TTBK2: variants seen among roughly 807,000 people sequenced by gnomAD.
TTBK2 encodes the protein tau tubulin kinase 2, also known as tau-tubulin kinase 2.
A neutral mutation model predicts 110.8 loss-of-function variants in TTBK2; 28 were observed. The observed-to-expected ratio is 0.25, with a 90% confidence interval of 0.19 to 0.35. TTBK2 has a LOEUF of 0.35. Among genes scored for constraint, TTBK2 ranks in the 10% least tolerant of loss-of-function variants. The probability of loss-of-function intolerance (pLI) is 1.00; values close to 1 mark genes in which losing one functional copy is unlikely to be tolerated. For missense variants in TTBK2, 1,369 were observed against 1,500.3 expected (o/e 0.91, Z 1.45); for synonymous variants, 532 against 527.3 (o/e 1.01, Z -0.12).
At chr15:42,879,539 T>C (rs1192383740) in intron 1 of TTBK2, among the ~76,000 whole-genome samples, 1 of 151,996 alleles carries the variant, frequency 6.6e-6, no homozygotes, top group Non-Finnish European at 1.5e-5. Context: ...CCACATACTG[T>C]ATTCTCTGTC....
At chr15:42,811,309 T>C (rs1891712371) in intron 8 of TTBK2, among the ~76,000 whole-genome samples, 1 of 152,214 alleles carries the variant, frequency 6.6e-6, no homozygotes, top group South Asian at 2.1e-4. Flanking sequence ...TAATTTATCT[T>C]AAATCTGATC....
intron 1 of TTBK2, among the ~76,000 whole-genome samples, chr15:42,899,150 G>T (rs1034140208): frequency 6.6e-6 from 1 of 151,326 alleles, no homozygotes; most frequent in Non-Finnish European, 1.5e-5. Context: ...ATGTCACCTT[G>T]CCTGGCTAAT....
intron 3 of TTBK2, chr15:42,871,446 T>C: frequency 1.0e-6 from 1 of 985,304 alleles, no homozygotes; most frequent in Non-Finnish European, 1.2e-6. Context: ...CTGCCTCACC[T>C]GGAAGCATCT....
At chr15:42,763,089 T>C (rs2062055800) in intron 13 of TTBK2, among the ~76,000 whole-genome samples, 1 of 123,118 alleles carries the variant, frequency 8.1e-6, no homozygotes, top group Admixed American at 8.5e-5. Flanking sequence ...CAATTTTATA[T>C]ATATATATAT....
At chr15:42,819,188 G>A (rs1892181083) in intron 6 of TTBK2, among the ~76,000 whole-genome samples, 2 of 150,018 alleles carry the variant, frequency 1.3e-5, no homozygotes, top group Non-Finnish European at 3.0e-5. Context: ...TAAAAATCCT[G>A]GCCGGGCGCA....
In TTBK2 at chr15:42,860,183, A is replaced by G. The variant is rs183874896; in HGVS notation, c.217+12428T>C. The stretch of plus-strand genomic sequence containing the variant: ...AAGGAACAGGTAACTATATGAATCA[A>G]TGACTAAGAATTTCCCCAAGTTAAT... On this transcript the variant is annotated intron_variant, in intron 3 of 14. Coordinates refer to ENST00000267890, the MANE Select transcript of TTBK2 (RefSeq NM_173500.4). Among the ~76,000 whole-genome samples the G allele has an allele frequency of 2.7e-3, 412 of 152,236 alleles. 2 individuals carry two copies. Among genetic ancestry groups the G allele is most frequent in the African/African-American group, 9.6e-3 (401 of 41,558 alleles).
Position 42,829,973 on chromosome 15 carries a change from G to A in TTBK2, c.397C>T (p.His133Tyr). 6.2e-7 allele frequency: 1 copy of A among 1,614,146 alleles called. No individual in the cohort carries two copies. The highest frequency in any genetic ancestry group is 8.5e-7 in the Non-Finnish European group (1 of 1,180,008). ...TCTCGATGCAAGAATCCCACAGAAT[G>A]AATGCTTTCAATAGACTCCAAAATC... ...RQILESIESIHSVGFLHRDIK... is the reference protein window; with the variant it reads ...RQILESIESIYSVGFLHRDIK... The change falls in exon 5 of 15, where the codon CAT becomes TAT. Residue 133 changes from histidine to tyrosine, a missense_variant. His to Tyr is a moderately conservative substitution (Grantham distance 83). Around this residue, in one of 4 missense-constraint regions of TTBK2, gnomAD observed 122 missense variants for 159.7 expected, o/e 0.76. Transcript: ENST00000267890.
rs761467140 is a variant in TTBK2 at position 42,753,258 on chromosome 15, G to T, written c.1999-11C>A. The stretch of plus-strand genomic sequence containing the variant: ...TCTAGGAATTGTAATCTGGAGAAGG[G>T]GAAGAAAAAATTAAAATGCAATTAT... On this transcript the variant is annotated splice_polypyrimidine_tract_variant and intron_variant, in intron 13 of 14. Transcript: ENST00000267890. 4 of 1,612,340 alleles carry T rather than the reference G, an allele frequency of 2.5e-6. No individual in the cohort carries two copies. In the East Asian group the frequency reaches 8.9e-5, roughly 36 times the overall value.
At chr15:42,837,983 G>A (rs926234182) in intron 4 of TTBK2, among the ~76,000 whole-genome samples, 31 of 152,132 alleles carry the variant, frequency 2.0e-4, no homozygotes, top group African/African-American at 4.8e-4. Flanking sequence ...TGAGGCAGGC[G>A]GATCGCCTGA....
intron 3 of TTBK2, among the ~76,000 whole-genome samples, chr15:42,862,891 A>G (rs1481140263): frequency 6.6e-6 from 1 of 152,138 alleles, no homozygotes; most frequent in African/African-American, 2.4e-5. Flanking sequence ...TCTGTTGCAA[A>G]AATAAACAAA....
At chr15:42,830,145 A>G in intron 4 of TTBK2, 67 bp from the exon 5 acceptor site, 1 of 1,587,084 alleles carries the variant, frequency 6.3e-7, no homozygotes, top group Non-Finnish European at 8.6e-7. Context: ...AGACTGGGAA[A>G]CTACTCACTT....
chr15:42,865,402 T>C (rs1894326025), intron 3 of TTBK2, among the ~76,000 whole-genome samples: 1 of 150,304 alleles, frequency 6.7e-6, no homozygotes. Flanking sequence ...GAGGTTGCAG[T>C]GAGCCGAGAC....
chr15:42,898,674 G>T (rs1157913920), intron 1 of TTBK2, among the ~76,000 whole-genome samples: 1 of 152,148 alleles, frequency 6.6e-6, no homozygotes, highest in Non-Finnish European at 1.5e-5. Context: ...AAAATAAAAG[G>T]ATCTAACTGT....
At chr15:42,763,121 C>CGTATATAT in intron 13 of TTBK2, among the ~76,000 whole-genome samples, 1 of 86,328 alleles carries the variant, frequency 1.2e-5, no homozygotes, top group South Asian at 4.0e-4. Context: ...TATATATACA[C>CGTATATAT]ATATATATAC....
At chr15:42,759,782 C>A (rs1332154738) in intron 13 of TTBK2, among the ~76,000 whole-genome samples, 1 of 152,112 alleles carries the variant, frequency 6.6e-6, no homozygotes, top group Non-Finnish European at 1.5e-5. Context: ...GAAATCTACT[C>A]CATAAAATTT....
intron 2 of TTBK2, among the ~76,000 whole-genome samples, chr15:42,877,671 A>G (rs1218646403): frequency 6.6e-6 from 1 of 152,170 alleles, no homozygotes; most frequent in Non-Finnish European, 1.5e-5. Context: ...TTTTTTTAGT[A>G]CTACTACAGT....
At chr15:42,809,324 A>T (rs1314442010) in intron 9 of TTBK2, among the ~76,000 whole-genome samples, 1 of 152,222 alleles carries the variant, frequency 6.6e-6, no homozygotes, top group East Asian at 1.9e-4. Flanking sequence ...CAACTGAAAA[A>T]CTTGAGAACA....
chr15:42,864,584 C>CA lies in TTBK2; in HGVS notation c.217+8026dup, dbSNP rs796529603. ...AGGCAATAAGAACGAAACTCCATCTCAAAAAAAAAGAAAAAAAAAGTGTTC... is the reference window on the plus strand; with the variant it reads ...AGGCAATAAGAACGAAACTCCATCTCAAAAAAAAAAGAAAAAAAAAGTGTTC... On this transcript the variant is annotated intron_variant, in intron 3 of 14. Coordinates refer to ENST00000267890, the MANE Select transcript of TTBK2 (RefSeq NM_173500.4). Among the ~76,000 whole-genome samples the CA allele has an allele frequency of 4.9e-3, 719 of 147,150 alleles. 13 individuals carry two copies. The highest frequency in any genetic ancestry group is 0.017 in the African/African-American group (673 of 39,940).
intron 7 of TTBK2, among the ~76,000 whole-genome samples, chr15:42,812,074 A>C (rs1329709502): frequency 6.6e-6 from 1 of 152,220 alleles, no homozygotes; most frequent in Non-Finnish European, 1.5e-5. Flanking sequence ...GAAGAAAGAG[A>C]ACTCTTAAAA....
Sources: allele counts gnomAD v4.1 joint callset (sites outside exome capture counted in the v4.1 genomes callset), GRCh38; gene constraint gnomAD v4.1.1; regional missense constraint gnomAD v4.1.1; transcripts MANE v1.5; gene names NCBI Gene and HGNC (gene_info 2026-07-23, HGNC 2026-07-21).